The following RTN4 variants were observed in gnomAD, a reference collection of about 807,000 sequenced individuals.
RTN4 encodes reticulon 4.
In RTN4, 32 loss-of-function variants were observed where a neutral mutation model predicts 90.4. The observed-to-expected ratio is 0.35, with a 90% CI of 0.27 to 0.48. The LOEUF (loss-of-function observed/expected upper bound fraction) is 0.48. Ranked by LOEUF, RTN4 falls within the 20% of genes least tolerant of loss-of-function variation. RTN4 has a pLI of 0.99. For missense variants in RTN4, 1,706 were observed against 1,430.2 expected, an observed-to-expected ratio of 1.19 and a Z score of -3.11; for synonymous variants, 629 against 552.5, an observed-to-expected ratio of 1.14 and a Z score of -1.94.
chr2:55,013,943 A>C (rs572875319), intron 3 of RTN4, among the ~76,000 whole-genome samples: 1 of 152,312 alleles, frequency 6.6e-6, no homozygotes, highest in African/African-American at 2.4e-5. Context: ...AGCTAAAATA[A>C]TTTATACTTT....
At chr2:55,103,763 C>T (rs942190940) in intron 1 of RTN4, among the ~76,000 whole-genome samples, 2 of 151,426 alleles carry the variant, frequency 1.3e-5, no homozygotes, top group African/African-American at 4.9e-5. Context: ...GGTGCAATCT[C>T]GGCTCACTGC....
At chr2:55,092,502 G>A (rs1668957117) in intron 1 of RTN4, among the ~76,000 whole-genome samples, 1 of 152,110 alleles carries the variant, frequency 6.6e-6, no homozygotes, top group Non-Finnish European at 1.5e-5. Context: ...CTAAAGTGCT[G>A]GGATTACAGG....
intron 1 of RTN4, among the ~76,000 whole-genome samples, chr2:55,109,227 A>G (rs1573522916): frequency 1.3e-5 from 2 of 152,160 alleles, no homozygotes. Flanking sequence ...GTTTAAGAGC[A>G]CAGCCATAAT....
At chr2:55,099,983 A>G (rs940537119) in intron 1 of RTN4, among the ~76,000 whole-genome samples, 1 of 152,088 alleles carries the variant, frequency 6.6e-6, no homozygotes, top group African/African-American at 2.4e-5. Context: ...CTTACATTTT[A>G]TTCATATCTA....
chr2:55,077,055 C>G (rs545711154), intron 2 of RTN4, among the ~76,000 whole-genome samples: 1 of 150,568 alleles, frequency 6.6e-6, no homozygotes, highest in East Asian at 2.0e-4. Flanking sequence ...CTCTGTCGTC[C>G]AGGTTGCAGT....
intron 1 of RTN4, among the ~76,000 whole-genome samples, chr2:55,047,929 C>A (rs1464890017): frequency 1.3e-5 from 2 of 152,160 alleles, no homozygotes; most frequent in Non-Finnish European, 1.5e-5. Flanking sequence ...TCATGCCTCG[C>A]TGAACAGGGG....
chr2:55,070,598 C>G (rs1019025727), intron 2 of RTN4, among the ~76,000 whole-genome samples: 2 of 151,024 alleles, frequency 1.3e-5, no homozygotes, highest in Non-Finnish European at 3.0e-5. Flanking sequence ...AATACTCCCT[C>G]CCATTTGCAA....
the RTN4 span, among the ~76,000 whole-genome samples, chr2:55,127,207 C>A: frequency 6.2e-4 from 95 of 152,184 alleles, no homozygotes; most frequent in East Asian, 2.3e-3. Context: ...AAGAGGTGGC[C>A]TTAGAGCCAG....
chr2:55,129,737 G>C, the RTN4 span, among the ~76,000 whole-genome samples: 2 of 152,068 alleles, frequency 1.3e-5, no homozygotes, highest in Admixed American at 6.5e-5. Flanking sequence ...AATTTTTTGT[G>C]TTTGTAGTAG....
Position 55,050,108 on chromosome 2 carries a change from C to G in RTN4, c.193G>C (p.Ala65Pro). The G allele has an allele frequency of 1.3e-6, 2 of 1,496,368 alleles. No homozygotes were observed. The highest frequency in any genetic ancestry group is 2.5e-5 in the South Asian group (2 of 79,662). 92.7% of individuals were successfully genotyped at this position (1,496,368 alleles called of 1,614,324 possible). Residue 65 changes from alanine (A) to proline (P), a missense_variant, in exon 1 of 9, where the codon GCG becomes CCG. Coordinates refer to ENST00000337526, the MANE Select transcript of RTN4 (RefSeq NM_020532.5). This position sits in a 1 kb window ranked among gnomAD's most constrained non-coding sequence, Gnocchi z 4.6. ...LERKPAAGLS[A>P]APVPTAPAAG... Reference sequence around the variant, plus strand: ...GCAGGGGCGGTGGGCACTGGGGCCGCGGACAGCCCGGCGGCGGGCTTCCTC... The same window carrying G: ...GCAGGGGCGGTGGGCACTGGGGCCGGGGACAGCCCGGCGGCGGGCTTCCTC...
chr2:55,084,533 G>T (rs1668802222), intron 1 of RTN4, among the ~76,000 whole-genome samples: 1 of 152,060 alleles, frequency 6.6e-6, no homozygotes, highest in Non-Finnish European at 1.5e-5. Flanking sequence ...AACCCCTGGG[G>T]GGTCATGGGA....
At chr2:54,983,628 A>G (rs1678321106) in intron 4 of RTN4, among the ~76,000 whole-genome samples, 1 of 152,148 alleles carries the variant, frequency 6.6e-6, no homozygotes, top group Admixed American at 6.5e-5. Context: ...TCACAGTGCC[A>G]TCACTCTATT....
chr2:55,049,017 T>G, intron 1 of RTN4: 1 of 789,128 alleles, frequency 1.3e-6, no homozygotes, highest in Non-Finnish European at 1.5e-6. Flanking sequence ...CCTGGCTCGG[T>G]TTAGCTGGTG....
Position 55,050,440 on chromosome 2 carries a change from TC to T in RTN4, c.-141del, listed in dbSNP as rs1053026652. The T allele has an allele frequency of 8.2e-5, 37 of 452,568 alleles. No individual in the cohort carries two copies. The Middle Eastern group carries it at 2.2e-3, about 27-fold the overall frequency. The allele number at this position is 452,568 out of a possible 1,614,324, so 28.0% of individuals were successfully genotyped here. A position where few individuals can be genotyped will look rare whatever the true frequency, so the allele number is the denominator to read the frequency against. On this transcript the variant is annotated 5_prime_UTR_variant, in exon 1 of 9. Transcript: ENST00000337526. This position sits in a 1 kb window ranked among gnomAD's most constrained non-coding sequence, Gnocchi z 4.6. ...CCGAGGGACCTACTGTGGTGACGGC[TC>T]CCGGAACAATGAGACTGCTCCTCCT...
At chr2:54,981,937 G>A (rs903124523) in intron 5 of RTN4, among the ~76,000 whole-genome samples, 9 of 151,324 alleles carry the variant, frequency 5.9e-5, no homozygotes, top group African/African-American at 2.0e-4. Context: ...TATGATTTCC[G>A]AAAGTATTAC....
At chr2:55,132,331 C>T in the RTN4 span, among the ~76,000 whole-genome samples, 5 of 150,588 alleles carry the variant, frequency 3.3e-5, no homozygotes, top group Admixed American at 2.0e-4. Context: ...GGCGAAACCC[C>T]GTCTCTACTA....
At chr2:55,049,650 G>T in intron 1 of RTN4, 95 bp downstream of exon 1, 2 of 1,526,838 alleles carry the variant, frequency 1.3e-6, no homozygotes, top group Non-Finnish European at 1.8e-6. Context: ...CGCCCTCGGG[G>T]CGGAGAGGAG....
intron 1 of RTN4, among the ~76,000 whole-genome samples, chr2:55,089,959 G>A (rs1226859595): frequency 6.6e-6 from 1 of 152,182 alleles, no homozygotes; most frequent in Non-Finnish European, 1.5e-5. Flanking sequence ...ACCCCAAGCA[G>A]CTGTCTGAAT....
At chr2:55,066,169 TTGTGTGTGTGTGTGTGTGTGTGTTTGTG>T (rs1668386083) in intron 2 of RTN4, among the ~76,000 whole-genome samples, 1 of 142,276 alleles carries the variant, frequency 7.0e-6, no homozygotes, top group East Asian at 2.0e-4. Context: ...ATGAACCCAT[TTGTGTGTGTGTGTGTGTGTGTGTTTGTG>T]TGTGTGTGTG....
Sources: allele counts gnomAD v4.1 joint callset (sites outside exome capture counted in the v4.1 genomes callset), GRCh38; gene constraint gnomAD v4.1.1; non-coding constraint Gnocchi (gnomAD v3.1); transcripts MANE v1.5; gene names NCBI Gene and HGNC (gene_info 2026-07-23, HGNC 2026-07-21).